The following GRIN2B variants were observed in gnomAD, a reference collection of about 807,000 sequenced individuals.
The protein encoded by GRIN2B is glutamate ionotropic receptor NMDA type subunit 2B, also known as glutamate receptor ionotropic, NMDA 2B.
In GRIN2B, 5 loss-of-function variants were observed where a neutral mutation model predicts 114.5. The observed-to-expected ratio is 0.04, with a 90% confidence interval of 0.02 to 0.09. The LOEUF is 0.09. Among genes scored for constraint, GRIN2B ranks in the 10% least tolerant of loss-of-function variants. The pLI, the probability that GRIN2B is intolerant of heterozygous loss-of-function variation, is 1.00. For synonymous variants in GRIN2B, 787 were observed against 745.1 expected, an observed-to-expected ratio of 1.06 and a Z score of -0.92; for missense variants, 1,108 against 1,943.5, an observed-to-expected ratio of 0.57 and a Z score of 8.08.
chr12:13,826,379 G>A lies in GRIN2B; in HGVS notation c.411+39419C>T, dbSNP rs1267043311. Among the ~76,000 whole-genome samples the A allele has an allele frequency of 2.0e-5, 3 of 152,226 alleles. No individual in the cohort carries two copies. The South Asian group carries it at 6.2e-4, about 32-fold the overall frequency. ...TCAGCTACTCTGGAGGCTGAGGCAG[G>A]AGAATCGCTTGAACCCAGGAGGCGG... is the stretch of plus-strand genomic sequence containing the variant. On this transcript the variant is annotated intron_variant, in intron 3 of 13. Transcript: ENST00000609686.
chr12:13,934,260 T>C (rs917564891), intron 2 of GRIN2B, among the ~76,000 whole-genome samples: 1 of 152,240 alleles, frequency 6.6e-6, no homozygotes, highest in Non-Finnish European at 1.5e-5. Context: ...TTTCCATGTA[T>C]GTTTTATTCA....
At chr12:13,739,374 C>CAAAAAAAAAA (rs34320563) in intron 4 of GRIN2B, among the ~76,000 whole-genome samples, 15 of 59,362 alleles carry the variant, frequency 2.5e-4, no homozygotes, top group Non-Finnish European at 2.8e-4. Flanking sequence ...AACTCCGTCT[C>CAAAAAAAAAA]AAAAAAAAAA....
intron 3 of GRIN2B, among the ~76,000 whole-genome samples, chr12:13,773,598 G>A (rs774089354): frequency 1.3e-5 from 2 of 152,076 alleles, no homozygotes; most frequent in Non-Finnish European, 2.9e-5. Flanking sequence ...CTTGGTATGG[G>A]CACACTGATC....
Position 13,615,518 on chromosome 12 carries a change from C to G in GRIN2B, c.1475G>C (p.Gly492Ala). 6.2e-7 allele frequency: 1 copy of G among 1,613,680 alleles called. No individual in the cohort carries two copies. The highest frequency in any genetic ancestry group is 8.5e-7 in the Non-Finnish European group (1 of 1,179,590). ...CTCTCCAATCATACCATTCCAGGTTCCATTGATTTTCTTCCCATGCTTGCC... is the reference window on the plus strand; with the variant it reads ...CTCTCCAATCATACCATTCCAGGTTGCATTGATTTTCTTCCCATGCTTGCC... ...TNGKHGKKIN[G>A]TWNGMIGEVV... is the part of the protein sequence containing the mutation. The change falls in exon 7 of 14, where the codon GGA (glycine) becomes GCA (alanine). Residue 492 changes from glycine (G) to alanine (A), a missense_variant. Physicochemically the swap from Gly to Ala is moderately conservative, Grantham distance 60. This residue lies in a region of GRIN2B where 8 missense variants were observed against 111.7 expected (regional missense o/e 0.07). Coordinates refer to ENST00000609686, the MANE Select transcript of GRIN2B (RefSeq NM_000834.5). The surrounding 1 kb of genome is among the most constrained non-coding windows in gnomAD (Gnocchi z 5.8).
In GRIN2B at chr12:13,560,500, T is replaced by C. The variant is rs1421295313; in HGVS notation, c.*2283A>G. The C allele has an allele frequency of 6.6e-6, 1 of 152,176 alleles. No homozygotes were observed. The highest frequency in any genetic ancestry group is 1.5e-5 in the Non-Finnish European group (1 of 68,060). 9.4% of individuals were successfully genotyped at this position (152,176 alleles called of 1,614,324 possible). A position where few individuals can be genotyped will look rare whatever the true frequency, so the allele number is the denominator to read the frequency against. On this transcript the variant is annotated 3_prime_UTR_variant, in exon 14 of 14. Transcript: ENST00000609686. Reference sequence around the variant, plus strand: ...ATTGCTGTTCGCTAGGTTAGTTGGTTTGGTTTTTTTGTTTGAAAGGGGTGA... The same window carrying C: ...ATTGCTGTTCGCTAGGTTAGTTGGTCTGGTTTTTTTGTTTGAAAGGGGTGA...
At chr12:13,717,822 G>A (rs192698817) in intron 4 of GRIN2B, among the ~76,000 whole-genome samples, 76 of 152,010 alleles carry the variant, frequency 5.0e-4, no homozygotes, top group Admixed American at 4.9e-3. Flanking sequence ...TTCTTTTGCC[G>A]CAAATCACAG....
chr12:13,553,364 A>T lies in GRIN2B; in HGVS notation c.*9419T>A, dbSNP rs1431428262. 6.6e-6 allele frequency: 1 copy of T among 152,214 alleles called. No individual in the cohort carries two copies. The highest frequency in any genetic ancestry group is 1.5e-5 in the Non-Finnish European group (1 of 68,040). The allele number at this position is 152,214 out of a possible 1,614,324, so 9.4% of individuals were successfully genotyped here. A position where few individuals can be genotyped will look rare whatever the true frequency, so the allele number is the denominator to read the frequency against. ...CATTCTCTCTGAGCCAGCTCATTCA[A>T]ATCCTAACTTACTTTCATTGTAAAT... On this transcript the variant is annotated 3_prime_UTR_variant, in exon 14 of 14. Coordinates refer to ENST00000609686, the MANE Select transcript of GRIN2B (RefSeq NM_000834.5).
chr12:13,684,160 A>T (rs1386125190), intron 4 of GRIN2B, among the ~76,000 whole-genome samples: 1 of 152,178 alleles, frequency 6.6e-6, no homozygotes, highest in East Asian at 1.9e-4. Flanking sequence ...TCACTAAATC[A>T]TACCACTTCA....
At chr12:13,855,243 A>G (rs1158505760) in intron 3 of GRIN2B, among the ~76,000 whole-genome samples, 1 of 151,984 alleles carries the variant, frequency 6.6e-6, no homozygotes, top group Admixed American at 6.6e-5. Context: ...CAAAAGAGAG[A>G]AAAGAGAGAC....
At chr12:13,777,946 G>T (rs868257130) in intron 3 of GRIN2B, among the ~76,000 whole-genome samples, 2 of 152,124 alleles carry the variant, frequency 1.3e-5, no homozygotes, top group African/African-American at 4.8e-5. Context: ...TGTCTGCTAT[G>T]GTTCTACCTA....
chr12:13,925,868 C>T (rs986351946), intron 2 of GRIN2B, among the ~76,000 whole-genome samples: 7 of 152,128 alleles, frequency 4.6e-5, no homozygotes, highest in Non-Finnish European at 8.8e-5. Context: ...TACAGAGTGA[C>T]GGGCTTTTAC....
intron 4 of GRIN2B, among the ~76,000 whole-genome samples, chr12:13,679,343 A>G (rs1950107653): frequency 6.6e-6 from 1 of 152,202 alleles, no homozygotes; most frequent in South Asian, 2.1e-4. Flanking sequence ...AATTAGGTGT[A>G]CAAGTTGAGA....
intron 3 of GRIN2B, among the ~76,000 whole-genome samples, chr12:13,770,606 T>C (rs1374021499): frequency 6.6e-6 from 1 of 152,142 alleles, no homozygotes; most frequent in African/African-American, 2.4e-5. Flanking sequence ...TATTAGCGTC[T>C]CAACACAAGC....
intron 4 of GRIN2B, among the ~76,000 whole-genome samples, chr12:13,740,002 T>A (rs1052781557): frequency 6.6e-6 from 1 of 152,108 alleles, no homozygotes. Context: ...TTTCATGAAG[T>A]TTTGAGTTTG....
intron 3 of GRIN2B, among the ~76,000 whole-genome samples, chr12:13,843,988 T>C (rs1027909884): frequency 6.6e-6 from 1 of 152,200 alleles, no homozygotes; most frequent in African/African-American, 2.4e-5. Context: ...CAAAACCTTT[T>C]CTCCTCATTA....
At chr12:13,703,834 G>T (rs1008777594) in intron 4 of GRIN2B, among the ~76,000 whole-genome samples, 6 of 152,066 alleles carry the variant, frequency 3.9e-5, no homozygotes, top group African/African-American at 1.4e-4. Context: ...TTCCCACTTG[G>T]GAAACATAAA....
intron 3 of GRIN2B, among the ~76,000 whole-genome samples, chr12:13,849,301 G>A (rs1865519828): frequency 3.3e-5 from 5 of 152,250 alleles, no homozygotes; most frequent in South Asian, 2.1e-4. Flanking sequence ...CAAAGCTTCC[G>A]TGGCTTATAT....
At chr12:13,833,034 T>A (rs566663438) in intron 3 of GRIN2B, among the ~76,000 whole-genome samples, 1 of 152,324 alleles carries the variant, frequency 6.6e-6, no homozygotes, top group South Asian at 2.1e-4. Flanking sequence ...CATGTAAAAG[T>A]GGCTCTGTAT....
intron 12 of GRIN2B, 32 bp downstream of exon 12, chr12:13,569,798 A>C: frequency 2.8e-6 from 4 of 1,449,668 alleles, no homozygotes; most frequent in Non-Finnish European, 3.8e-6. Flanking sequence ...TCAGTAGAGG[A>C]CAAATGGGCA....
Sources: gnomAD v4.1 joint callset for allele counts (sites outside exome capture counted in the v4.1 genomes callset) on GRCh38, gnomAD v4.1.1 for gene constraint, gnomAD v4.1.1 regional missense constraint, Gnocchi (gnomAD v3.1) non-coding constraint, MANE v1.5 for transcripts, NCBI Gene and HGNC (gene_info 2026-07-23, HGNC 2026-07-21) for gene names.